Variants in COL25A1 observed in about 807,000 individuals in gnomAD.
The protein encoded by COL25A1 is collagen type XXV alpha 1 chain.
Under a neutral mutation model 128.4 loss-of-function variants are expected in COL25A1, and 103 were observed. The ratio of observed to expected loss-of-function variants is 0.80; its 90% CI spans 0.68 to 0.94. The LOEUF (loss-of-function observed/expected upper bound fraction) is 0.94. COL25A1 is among the 40% of genes least tolerant of loss of function. The probability of loss-of-function intolerance (pLI) is 0.00; values close to 1 mark genes in which losing one functional copy is unlikely to be tolerated. For missense variants in COL25A1, 745 were observed against 840.0 expected (o/e 0.89, Z 1.40); for synonymous variants, 279 against 277.2 (o/e 1.01, Z -0.06).
intron 3 of COL25A1, among the ~76,000 whole-genome samples, chr4:109,206,389 A>G (rs78203289): frequency 0.019 from 2,849 of 152,306 alleles, 79 homozygotes; most frequent in South Asian, 0.14. Flanking sequence ...ATGTTATGAA[A>G]ATAAATGAAA....
intron 35 of COL25A1, chr4:108,823,835 T>A: frequency 8.9e-7 from 1 of 1,125,230 alleles, no homozygotes; most frequent in Non-Finnish European, 1.1e-6. Context: ...TGCCAAATAC[T>A]ACTGCAGATT....
At chr4:108,985,300 C>T (rs1255457071) in intron 6 of COL25A1, among the ~76,000 whole-genome samples, 1 of 152,194 alleles carries the variant, frequency 6.6e-6, no homozygotes, top group Non-Finnish European at 1.5e-5. Flanking sequence ...TTCAATCATT[C>T]CCATTACCTT....
At chr4:108,940,918 A>T (rs1038929255) in intron 9 of COL25A1, among the ~76,000 whole-genome samples, 1 of 152,250 alleles carries the variant, frequency 6.6e-6, no homozygotes, top group African/African-American at 2.4e-5. Flanking sequence ...TTACCACTAT[A>T]GTCAGAGCTG....
At chr4:109,283,023 C>T (rs1723531063) in intron 3 of COL25A1, among the ~76,000 whole-genome samples, 1 of 152,048 alleles carries the variant, frequency 6.6e-6, no homozygotes, top group Non-Finnish European at 1.5e-5. Flanking sequence ...AAGAAAAATA[C>T]TATAATGTTC....
intron 3 of COL25A1, among the ~76,000 whole-genome samples, chr4:109,292,672 T>C (rs1219562316): frequency 6.6e-6 from 1 of 151,988 alleles, no homozygotes; most frequent in Non-Finnish European, 1.5e-5. Flanking sequence ...ACACTGGTAG[T>C]AGAACAGAAT....
At chr4:109,267,422 A>T (rs1231015757) in intron 3 of COL25A1, among the ~76,000 whole-genome samples, 1 of 152,202 alleles carries the variant, frequency 6.6e-6, no homozygotes, top group African/African-American at 2.4e-5. Flanking sequence ...ATTTCTAAAG[A>T]TCCAGAAATC....
chr4:108,931,988 AT>A (rs1266714768), intron 11 of COL25A1, among the ~76,000 whole-genome samples: 1 of 152,224 alleles, frequency 6.6e-6, no homozygotes, highest in African/African-American at 2.4e-5. Context: ...ACCAAACAAG[AT>A]TTTGTTGCAA....
chr4:109,146,901 C>T (rs1052765214), intron 3 of COL25A1, among the ~76,000 whole-genome samples: 12 of 152,126 alleles, frequency 7.9e-5, no homozygotes, highest in African/African-American at 2.9e-4. Context: ...CATCTTCGGA[C>T]CAAATCTGTG....
chr4:108,898,802 A>G (rs1742451976), intron 15 of COL25A1, among the ~76,000 whole-genome samples: 1 of 152,156 alleles, frequency 6.6e-6, no homozygotes, highest in African/African-American at 2.4e-5. Context: ...CTGACACAGA[A>G]TGTTTAAATT....
chr4:109,083,448 A>ATTTTTTTTTTTTTTTTTTTT (rs60165291), intron 3 of COL25A1, among the ~76,000 whole-genome samples: 2 of 77,010 alleles, frequency 2.6e-5, no homozygotes, highest in Admixed American at 2.0e-4. Context: ...CACTAAATAA[A>ATTTTTTTTTTTTTTTTTTTT]TTTTTTTTTT....
chr4:109,206,219 C>T (rs1776983141), intron 3 of COL25A1, among the ~76,000 whole-genome samples: 1 of 152,018 alleles, frequency 6.6e-6, no homozygotes, highest in African/African-American at 2.4e-5. Context: ...TTCTCATATA[C>T]TAAAGACAGG....
At chr4:108,871,908 T>C (rs1376728985) in intron 19 of COL25A1, among the ~76,000 whole-genome samples, 1 of 152,150 alleles carries the variant, frequency 6.6e-6, no homozygotes, top group African/African-American at 2.4e-5. Context: ...TTGAAGTAAA[T>C]AAGGCATGGA....
At position 109,213,841 on chromosome 4, in the gene COL25A1, T is replaced by C. The variant is rs927882462; in HGVS notation, c.367+86742A>G. ...TTCTCCAGTAAAGTAAATAATGAGC[T>C]TCACCTAACATGAGAATCTACCATC... On this transcript the variant is annotated intron_variant, in intron 3 of 37. Transcript: ENST00000399132. 6.6e-5 allele frequency among the ~76,000 whole-genome samples: 10 copies of C among 152,158 alleles called. No homozygotes were observed. In the East Asian group the frequency reaches 1.9e-3, roughly 29 times the overall value.
chr4:108,914,946 A>G (rs1472637125), intron 13 of COL25A1, among the ~76,000 whole-genome samples: 4 of 152,234 alleles, frequency 2.6e-5, no homozygotes, highest in African/African-American at 9.6e-5. Context: ...TCTATATTGT[A>G]CACTGGAACC....
chr4:109,035,803 G>T (rs1261281314), intron 5 of COL25A1, among the ~76,000 whole-genome samples: 4 of 151,944 alleles, frequency 2.6e-5, no homozygotes, highest in African/African-American at 9.7e-5. Flanking sequence ...TTTTCATTTT[G>T]TTTAAAATGT....
At chr4:109,166,963 G>C (rs1366340801) in intron 3 of COL25A1, among the ~76,000 whole-genome samples, 2 of 152,086 alleles carry the variant, frequency 1.3e-5, no homozygotes, top group Non-Finnish European at 2.9e-5. Context: ...TAGGGTGGTG[G>C]GAAAGATTCA....
At chr4:109,120,220 A>C (rs980520916) in intron 3 of COL25A1, among the ~76,000 whole-genome samples, 4 of 152,172 alleles carry the variant, frequency 2.6e-5, no homozygotes, top group African/African-American at 9.6e-5. Context: ...ATCAGGAACA[A>C]GGCAAGATGT....
intron 3 of COL25A1, among the ~76,000 whole-genome samples, chr4:109,147,369 C>A (rs1466981242): frequency 6.6e-6 from 1 of 152,216 alleles, no homozygotes; most frequent in Non-Finnish European, 1.5e-5. Flanking sequence ...TGAGCCTGTG[C>A]ACAACCCTAA....
chr4:109,023,617 G>A (rs1289528833), intron 5 of COL25A1, among the ~76,000 whole-genome samples: 3 of 152,160 alleles, frequency 2.0e-5, no homozygotes, highest in African/African-American at 7.2e-5. Flanking sequence ...TTATGTCCAA[G>A]GCACCAAGAA....
Sources: gnomAD v4.1 joint callset for allele counts (sites outside exome capture counted in the v4.1 genomes callset) on GRCh38, gnomAD v4.1.1 for gene constraint, MANE v1.5 for transcripts, NCBI Gene and HGNC (gene_info 2026-07-23, HGNC 2026-07-21) for gene names.